SOX30: variants seen among roughly 807,000 people sequenced by gnomAD.
The protein encoded by SOX30 is transcription factor SOX-30.
SOX30 carries 17 observed loss-of-function variants against 58.6 expected under a neutral mutation model. The observed-to-expected ratio is 0.29, with a 90% CI of 0.20 to 0.44. The LOEUF is 0.44. Ranked by LOEUF, SOX30 falls within the 20% of genes least tolerant of loss-of-function variation. The pLI, the probability that SOX30 is intolerant of heterozygous loss-of-function variation, is 1.00. For missense variants in SOX30, 951 were observed against 965.8 expected (o/e 0.98, Z 0.20); for synonymous variants, 421 against 400.2 (o/e 1.05, Z -0.62).
intron 2 of SOX30, among the ~76,000 whole-genome samples, chr5:157,664,432 C>T (rs1759631614): frequency 6.6e-6 from 1 of 152,158 alleles, no homozygotes; most frequent in South Asian, 2.1e-4. Context: ...ACACCTTATA[C>T]AAAAATTAAT....
chr5:157,643,810 A>C (rs1057122805), intron 3 of SOX30, among the ~76,000 whole-genome samples: 1 of 152,236 alleles, frequency 6.6e-6, no homozygotes, highest in Non-Finnish European at 1.5e-5. Context: ...ACAACAAAAA[A>C]GTATATACAT....
At position 157,626,667 on chromosome 5, in the gene SOX30, C is replaced by T. The variant is rs368081998; in HGVS notation, c.1935G>A (p.Met645Ile). ...CTTCATAATAACTAAGGCATTCTGG[C>T]ATTGAACTCGGAAAATTTCCATAGC... The part of the protein sequence containing the change: ...PFGYGNFPSS[M>I]PECLSYYEDR... Residue 645 changes from methionine (M) to isoleucine (I), a missense_variant, in exon 5 of 5, where the codon ATG (methionine) becomes ATA (isoleucine). Coordinates refer to ENST00000265007, the MANE Select transcript of SOX30 (RefSeq NM_178424.2). The T allele has an allele frequency of 8.0e-5, 129 of 1,613,342 alleles. 1 individual carries two copies. The South Asian group carries it at 1.3e-3, about 16-fold the overall frequency.
At chr5:157,635,620 T>C (rs914089117) in intron 4 of SOX30, among the ~76,000 whole-genome samples, 2 of 146,970 alleles carry the variant, frequency 1.4e-5, no homozygotes, top group Non-Finnish European at 3.1e-5. Flanking sequence ...CAAGACTCTG[T>C]CTCAAAAAAA....
chr5:157,659,358 T>C (rs1759536028), intron 2 of SOX30, among the ~76,000 whole-genome samples: 1 of 152,188 alleles, frequency 6.6e-6, no homozygotes, highest in Admixed American at 6.5e-5. Flanking sequence ...TGTAACGTCT[T>C]TCTGGTGACC....
chr5:157,658,937 G>A lies in SOX30; in HGVS notation c.52+8861C>T, dbSNP rs186008772. Among the ~76,000 whole-genome samples, 17 of 152,254 alleles carry A rather than the reference G, an allele frequency of 1.1e-4. 1 individual carries two copies. The East Asian group carries it at 2.7e-3, about 24-fold the overall frequency. Reference sequence around the variant, plus strand: ...TAAAACAGGTTGCAGTAAAGAAGCTGGCTAAAACCCACCAAAACCTAGATG... The same window carrying A: ...TAAAACAGGTTGCAGTAAAGAAGCTAGCTAAAACCCACCAAAACCTAGATG... On this transcript the variant is annotated intron_variant, in intron 2 of 5. Transcript: ENST00000519442.
intron 2 of SOX30, among the ~76,000 whole-genome samples, chr5:157,663,622 G>A (rs937948887): frequency 1.3e-5 from 2 of 152,148 alleles, no homozygotes; most frequent in Admixed American, 6.5e-5. Flanking sequence ...GCAGAAGAAA[G>A]AAATAAAGGG....
intron 4 of SOX30, among the ~76,000 whole-genome samples, chr5:157,628,301 A>T (rs545458749): frequency 2.0e-4 from 30 of 152,116 alleles, no homozygotes; most frequent in Middle Eastern, 6.8e-3. Context: ...GACAGATAAC[A>T]TAAACATAAT....
intron 1 of SOX30, among the ~76,000 whole-genome samples, chr5:157,650,723 C>T (rs972436941): frequency 6.6e-6 from 1 of 152,110 alleles, no homozygotes; most frequent in Non-Finnish European, 1.5e-5. Flanking sequence ...TCATTCAACA[C>T]CATTATTTCT....
rs762317772 is a variant in SOX30, at chr5:157,648,748, C to A, written c.1116G>T (p.Gly372=). Residue 372 remains glycine, a synonymous_variant, in exon 2 of 5, where the codon GGG becomes GGT. Coordinates refer to ENST00000265007, the MANE Select transcript of SOX30 (RefSeq NM_178424.2). ...CTTCACTAAGTTTGTTCCACTCTAA[C>A]CCAAGCTGGACACTGATTTCTGCAT... ...ANNAEISVQL[G]LEWNKLSEEQ... 6.2e-6 allele frequency: 10 copies of A among 1,613,552 alleles called. No homozygotes were observed. The highest frequency in any genetic ancestry group is 6.8e-6 in the Non-Finnish European group (8 of 1,179,998).
chr5:157,638,196 T>C (rs768439910), intron 4 of SOX30, 34 bp downstream of exon 4: 2 of 1,500,118 alleles, frequency 1.3e-6, no homozygotes, highest in Admixed American at 2.3e-5. Flanking sequence ...ATTAGCTGAA[T>C]GTTTAGGTAA....
chr5:157,647,859 G>A (rs1003001365), intron 2 of SOX30, among the ~76,000 whole-genome samples: 4 of 151,948 alleles, frequency 2.6e-5, no homozygotes, highest in Non-Finnish European at 5.9e-5. Flanking sequence ...GCGCCTGGCT[G>A]ATCAGTCACT....
At position 157,652,034 on chromosome 5, in the gene SOX30, C is replaced by T. The variant is rs559101070; in HGVS notation, c.45G>A (p.Leu15=). Reference sequence around the variant, plus strand: ...CCGGCAGCGGGGGCGGAGCGGGACGCAACGGGCGCGGCTGAGGCGGCGGCT... The same window carrying T: ...CCGGCAGCGGGGGCGGAGCGGGACGTAACGGGCGCGGCTGAGGCGGCGGCT... ...RPEPPPQPRP[L]RPAPPPLPVE... The change falls in exon 1 of 5, where the codon TTG becomes TTA. Residue 15 remains leucine (L), a synonymous_variant. Coordinates refer to ENST00000265007, the MANE Select transcript of SOX30 (RefSeq NM_178424.2). The T allele has an allele frequency of 4.4e-5, 63 of 1,424,750 alleles. No individual in the cohort carries two copies. In the African/African-American group the frequency reaches 8.4e-4, roughly 19 times the overall value. The allele number at this position is 1,424,750 out of a possible 1,614,324, so 88.3% of individuals were successfully genotyped here. A position where few individuals can be genotyped will look rare whatever the true frequency, so the allele number is the denominator to read the frequency against.
chr5:157,662,217 G>C (rs992400417), intron 2 of SOX30, among the ~76,000 whole-genome samples: 2 of 151,794 alleles, frequency 1.3e-5, no homozygotes, highest in Non-Finnish European at 2.9e-5. Context: ...TCCCAATTTT[G>C]GTAATTTCTG....
intron 2 of SOX30, among the ~76,000 whole-genome samples, chr5:157,660,831 C>A (rs1455357991): frequency 6.6e-6 from 1 of 152,070 alleles, no homozygotes; most frequent in Non-Finnish European, 1.5e-5. Flanking sequence ...ATATCAATTT[C>A]TTTTAAAGCA....
chr5:157,638,486 T>C lies in SOX30; in HGVS notation c.1624A>G (p.Ser542Gly). The C allele has an allele frequency of 1.2e-6, 2 of 1,614,144 alleles. No homozygotes were observed. Among genetic ancestry groups the C allele is most frequent in the Non-Finnish European group, 1.7e-6 (2 of 1,180,030 alleles). Residue 542 changes from serine (S) to glycine (G), a missense_variant, in exon 4 of 5, where the codon AGC (serine) becomes GGC (glycine). Physicochemically the swap from Ser to Gly is moderately conservative, Grantham distance 56. Around this residue, in one of 7 missense-constraint regions of SOX30, gnomAD observed 381 missense variants for 390.0 expected, o/e 0.98. Coordinates refer to ENST00000265007, the MANE Select transcript of SOX30 (RefSeq NM_178424.2). ...GCACTACTTGAAATCCTGTTGGCGC[T>C]CTCTAGAGAGACAGGAGTGGGTTGC... ...VKQPTPVSLE[S>G]ANRISSSAST...
chr5:157,639,632 G>A (rs555386703), intron 3 of SOX30, among the ~76,000 whole-genome samples: 1 of 152,304 alleles, frequency 6.6e-6, no homozygotes, highest in East Asian at 1.9e-4. Context: ...CAGGACTACT[G>A]ATTGAGCTGC....
At chr5:157,649,900 A>G (rs1759286944) in intron 1 of SOX30, among the ~76,000 whole-genome samples, 1 of 152,122 alleles carries the variant, frequency 6.6e-6, no homozygotes, top group South Asian at 2.1e-4. Flanking sequence ...AAATGACAGA[A>G]AATAATAAAA....
intron 4 of SOX30, among the ~76,000 whole-genome samples, chr5:157,633,164 G>A (rs1425796057): frequency 6.6e-6 from 1 of 152,144 alleles, no homozygotes; most frequent in Non-Finnish European, 1.5e-5. Flanking sequence ...AGCAGAGCAG[G>A]GTCAAGACCT....
At position 157,631,043 on chromosome 5, in the gene SOX30, TATTTTATATATATATATATATATATAC is replaced by T. The variant is rs1758787911; in HGVS notation, c.1881-4349_1881-4323del. ...ATTTTATATATATATACAATATATA[TATTTTATATATATATATATATATATAC>T]ACACAATATATGTATTTTATATATG... On this transcript the variant is annotated intron_variant, in intron 4 of 4. Transcript: ENST00000265007. Among the ~76,000 whole-genome samples the T allele has an allele frequency of 7.1e-5, 3 of 42,404 alleles. No homozygotes were observed. The South Asian group carries it at 5.8e-3, about 82-fold the overall frequency. The allele number at this position is 42,404 out of a possible 152,430, so 27.8% of individuals were successfully genotyped here.
Sources: allele counts gnomAD v4.1 joint callset (sites outside exome capture counted in the v4.1 genomes callset), GRCh38; gene constraint gnomAD v4.1.1; regional missense constraint gnomAD v4.1.1; transcripts MANE v1.5; gene names NCBI Gene and HGNC (gene_info 2026-07-23, HGNC 2026-07-21).